ZNHIT3: variants seen among roughly 807,000 people sequenced by gnomAD.
The protein encoded by ZNHIT3 is zinc finger HIT domain-containing protein 3.
ZNHIT3 carries 27 observed loss-of-function variants against 19.9 expected under a neutral mutation model. The ratio of observed to expected loss-of-function variants is 1.36; its 90% CI spans 1.00 to 1.87. The LOEUF is 1.87. Ranked by LOEUF, ZNHIT3 falls within the 40% of genes most tolerant of loss-of-function variation. The pLI, the probability that ZNHIT3 is intolerant of heterozygous loss-of-function variation, is 0.00. For missense variants in ZNHIT3, 215 were observed against 185.6 expected, an observed-to-expected ratio of 1.16 and a Z score of -0.92; for synonymous variants, 81 against 65.7, an observed-to-expected ratio of 1.23 and a Z score of -1.13.
intron 3 of ZNHIT3, among the ~76,000 whole-genome samples, chr17:36,493,581 C>T (rs2070774517): frequency 6.6e-6 from 1 of 152,208 alleles, no homozygotes; most frequent in Non-Finnish European, 1.5e-5. Flanking sequence ...TTAATTGGCC[C>T]ATCACAGGGT....
chr17:36,495,942 C>T (rs1475438619), downstream of ZNHIT3: 1 of 1,015,960 alleles, frequency 9.8e-7, no homozygotes, highest in Non-Finnish European at 1.3e-6. Context: ...TTGGGATCCC[C>T]AGTGTAGTGA....
At chr17:36,487,101 C>T in intron 2 of ZNHIT3, 135 bp downstream of exon 2, 1 of 1,209,186 alleles carries the variant, frequency 8.3e-7, no homozygotes, top group Non-Finnish European at 1.1e-6. Context: ...CTGCAGGAAC[C>T]TTGCTTCCTC....
In ZNHIT3 at chr17:36,487,076, G is replaced by T. The variant is rs568530125; in HGVS notation, c.118+110G>T. Reference sequence around the variant, plus strand: ...TGGGCTGCGCTTCCTTTCCCGCCTCGGGTCTCCGCGGGTTCTGCAGGAACC... The same window carrying T: ...TGGGCTGCGCTTCCTTTCCCGCCTCTGGTCTCCGCGGGTTCTGCAGGAACC... On this transcript the variant is annotated intron_variant, in intron 2 of 4. Coordinates refer to ENST00000617429, the MANE Select transcript of ZNHIT3 (RefSeq NM_004773.4). 1.6e-5 allele frequency: 23 copies of T among 1,427,710 alleles called. No individual in the cohort carries two copies. In the African/African-American group the frequency reaches 2.8e-4, roughly 17 times the overall value. The allele number at this position is 1,427,710 out of a possible 1,614,324, so 88.4% of individuals were successfully genotyped here. A position where few individuals can be genotyped will look rare whatever the true frequency, so the allele number is the denominator to read the frequency against.
At chr17:36,491,766 G>A (rs2070731792) in intron 2 of ZNHIT3, 1 of 151,884 alleles carries the variant, frequency 6.6e-6, no homozygotes, top group Non-Finnish European at 1.5e-5. Context: ...AATGTATTTT[G>A]GGGTCAGGTA....
downstream of ZNHIT3, chr17:36,496,135 G>A (rs1461265333): frequency 1.4e-6 from 2 of 1,392,140 alleles, no homozygotes; most frequent in Non-Finnish European, 2.0e-6. Context: ...AGCCGTCACT[G>A]TTGTTCATGT....
intron 2 of ZNHIT3, chr17:36,490,892 T>C (rs1213767036): frequency 6.6e-6 from 1 of 151,920 alleles, no homozygotes; most frequent in Non-Finnish European, 1.5e-5. Flanking sequence ...TGGTGCTCAC[T>C]ATAGCCTTGA....
chr17:36,493,113 G>A (rs1236694989), intron 3 of ZNHIT3: 10 of 594,074 alleles, frequency 1.7e-5, no homozygotes, highest in Non-Finnish European at 3.0e-6. Context: ...AGAAAAATGG[G>A]CAGAAGACAG....
At chr17:36,499,084 C>G, downstream of ZNHIT3, 1 of 1,608,390 alleles carries the variant, frequency 6.2e-7, no homozygotes, top group Non-Finnish European at 8.5e-7. Context: ...CTCTCCACTT[C>G]TGCCATGCAC....
chr17:36,495,361 G>A lies in ZNHIT3; in HGVS notation c.425G>A (p.Cys142Tyr). The A allele has an allele frequency of 6.2e-7, 1 of 1,611,674 alleles. No individual in the cohort carries two copies. Among genetic ancestry groups the A allele is most frequent in the Non-Finnish European group, 8.5e-7 (1 of 1,179,414 alleles). The change falls in exon 5 of 5, where the codon TGC (cysteine) becomes TAC (tyrosine). Residue 142 changes from cysteine (C) to tyrosine (Y), a missense_variant. Coordinates refer to ENST00000617429, the MANE Select transcript of ZNHIT3 (RefSeq NM_004773.4). ...CCTTTGTTTGTGGAGTTTGCAGACT[G>A]CTGTTTAGGAATTGTGGAGCCATCC... ...QEPLFVEFAD[C>Y]CLGIVEPSQN... is the part of the protein sequence containing the mutation.
chr17:36,498,604 C>T (rs776327538), downstream of ZNHIT3: 11 of 1,530,398 alleles, frequency 7.2e-6, no homozygotes, highest in East Asian at 1.2e-4. Flanking sequence ...TTATCTAGCC[C>T]TCTTAGCAGA....
At chr17:36,497,507 A>G (rs2142645759), downstream of ZNHIT3, 1 of 983,754 alleles carries the variant, frequency 1.0e-6, no homozygotes, top group Non-Finnish European at 1.2e-6. Flanking sequence ...TTTGCTCTCA[A>G]GTCTTGGGTA....
chr17:36,487,017 C>A (rs772481728), intron 2 of ZNHIT3, 51 bp downstream of exon 2: 4 of 1,599,744 alleles, frequency 2.5e-6, no homozygotes. Flanking sequence ...GGGCAGCCCC[C>A]ACGTCCAGCC....
intron 1 of ZNHIT3, 39 bp downstream of exon 1, chr17:36,486,824 C>G: frequency 1.9e-6 from 3 of 1,601,304 alleles, no homozygotes; most frequent in Non-Finnish European, 2.5e-6. Flanking sequence ...GCGCGGGTGT[C>G]CGGCCATGGC....
intron 3 of ZNHIT3, 22 bp from the exon 4 acceptor site, chr17:36,493,903 AT>A: frequency 6.3e-7 from 1 of 1,575,368 alleles, no homozygotes; most frequent in Non-Finnish European, 8.7e-7. Flanking sequence ...GCCATGAGCC[AT>A]TGACTGTTTT....
At chr17:36,491,939 G>GT (rs1289638782) in intron 2 of ZNHIT3, 8 of 152,182 alleles carry the variant, frequency 5.3e-5, no homozygotes, top group Admixed American at 2.0e-4. Flanking sequence ...CCTTTCATCT[G>GT]TAAGTGGAAT....
In ZNHIT3 at chr17:36,495,578, A is replaced by C; in HGVS notation, c.*174A>C. ...TTGATGTGGCTCATGTTTCAGGCAG[A>C]CTTGGGGTCCTTAAGGTGGCAAGTC... On this transcript the variant is annotated 3_prime_UTR_variant, in exon 5 of 5. Transcript: ENST00000617429. 1 of 1,308,280 alleles carries C rather than the reference A, an allele frequency of 7.6e-7. No homozygotes were observed. Among genetic ancestry groups the C allele is most frequent in the Non-Finnish European group, 9.7e-7 (1 of 1,032,036 alleles). 81.0% of individuals were successfully genotyped at this position (1,308,280 alleles called of 1,614,324 possible). A position where few individuals can be genotyped will look rare whatever the true frequency, so the allele number is the denominator to read the frequency against.
At chr17:36,489,204 A>C (rs535913621) in intron 2 of ZNHIT3, 1 of 152,236 alleles carries the variant, frequency 6.6e-6, no homozygotes, top group South Asian at 2.1e-4. Flanking sequence ...CTGTTGGTGG[A>C]TCCTTAGGTT....
chr17:36,496,514 T>A, downstream of ZNHIT3: 1 of 1,019,072 alleles, frequency 9.8e-7, no homozygotes. Flanking sequence ...GGACAAGTAC[T>A]AGTATTGGGG....
chr17:36,497,986 A>G (rs2071155606), downstream of ZNHIT3: 1 of 447,372 alleles, frequency 2.2e-6, no homozygotes, highest in South Asian at 4.0e-5. Flanking sequence ...GCTTGCTAGA[A>G]ACGCAGCATT....
Sources: allele counts gnomAD v4.1 joint callset (sites outside exome capture counted in the v4.1 genomes callset), GRCh38; gene constraint gnomAD v4.1.1; transcripts MANE v1.5; gene names NCBI Gene and HGNC (gene_info 2026-07-23, HGNC 2026-07-21).